The following MAGI2 variants were observed in gnomAD, a reference collection of about 807,000 sequenced individuals.
The protein encoded by MAGI2 is membrane associated guanylate kinase, WW and PDZ domain containing 2.
A neutral mutation model predicts 133.3 loss-of-function variants in MAGI2; 35 were observed. That is an observed-to-expected ratio of 0.26 (90% confidence interval 0.20 to 0.35). The LOEUF (loss-of-function observed/expected upper bound fraction) is 0.35. Ranked by LOEUF, MAGI2 falls within the 10% of genes least tolerant of loss-of-function variation. MAGI2 has a pLI of 1.00. For synonymous variants in MAGI2, 729 were observed against 710.6 expected (o/e 1.03, Z -0.41); for missense variants, 1,636 against 1,863.4 (o/e 0.88, Z 2.25).
At chr7:78,621,378 G>A (rs1329661627) in intron 3 of MAGI2, 1 of 151,824 alleles carries the variant, frequency 6.6e-6, no homozygotes. Flanking sequence ...ATCAATAATG[G>A]ATTATTAATA....
At chr7:78,876,620 C>T (rs1248145208) in intron 2 of MAGI2, among the ~76,000 whole-genome samples, 1 of 152,064 alleles carries the variant, frequency 6.6e-6, no homozygotes, top group Non-Finnish European at 1.5e-5. Flanking sequence ...ATGTTGAAAA[C>T]AGCAAAAGAA....
At chr7:78,951,877 A>G (rs1242112275) in intron 2 of MAGI2, among the ~76,000 whole-genome samples, 1 of 152,100 alleles carries the variant, frequency 6.6e-6, no homozygotes, top group Non-Finnish European at 1.5e-5. Flanking sequence ...CACATCCTCT[A>G]CACTGATTAG....
At chr7:79,105,692 T>C (rs1011242981) in intron 1 of MAGI2, among the ~76,000 whole-genome samples, 1 of 152,144 alleles carries the variant, frequency 6.6e-6, no homozygotes, top group Middle Eastern at 3.2e-3. Context: ...CAGAGCAAAA[T>C]TCATATATAA....
At chr7:78,234,240 A>G (rs139451112) in intron 10 of MAGI2, among the ~76,000 whole-genome samples, 7 of 152,322 alleles carry the variant, frequency 4.6e-5, no homozygotes, top group African/African-American at 1.7e-4. Context: ...TAGTGGAAGT[A>G]TCACTTTGGT....
chr7:78,945,230 T>C (rs1340193652), intron 2 of MAGI2, among the ~76,000 whole-genome samples: 1 of 151,158 alleles, frequency 6.6e-6, no homozygotes, highest in Non-Finnish European at 1.5e-5. Flanking sequence ...CCCAGCTAAT[T>C]TTTGTATTTT....
chr7:78,888,405 A>G (rs754501477), intron 2 of MAGI2, among the ~76,000 whole-genome samples: 43 of 152,198 alleles, frequency 2.8e-4, no homozygotes, highest in Non-Finnish European at 4.6e-4. Flanking sequence ...ACCCAGCTGG[A>G]GATCTGAGAA....
intron 6 of MAGI2, among the ~76,000 whole-genome samples, chr7:78,448,409 C>T (rs1432330603): frequency 6.6e-6 from 1 of 151,982 alleles, no homozygotes; most frequent in African/African-American, 2.4e-5. Flanking sequence ...TAAAAGAGCT[C>T]CTCTTTCTCC....
chr7:78,846,204 GA>G (rs1792589999), intron 2 of MAGI2, among the ~76,000 whole-genome samples: 1 of 151,696 alleles, frequency 6.6e-6, no homozygotes, highest in Non-Finnish European at 1.5e-5. Context: ...AAAAAATGAA[GA>G]AAAAACAAGT....
At chr7:79,327,531 A>G (rs541112513) in intron 1 of MAGI2, among the ~76,000 whole-genome samples, 29 of 152,318 alleles carry the variant, frequency 1.9e-4, no homozygotes, top group African/African-American at 6.7e-4. Context: ...AGTTATATGT[A>G]TCGCAAAATA....
chr7:78,223,337 C>T (rs1194031346), intron 10 of MAGI2, among the ~76,000 whole-genome samples: 2 of 152,024 alleles, frequency 1.3e-5, no homozygotes, highest in African/African-American at 4.8e-5. Context: ...AAAAAAAGTG[C>T]TCTCACATAC....
intron 3 of MAGI2, among the ~76,000 whole-genome samples, chr7:78,544,201 A>T (rs1798631625): frequency 6.6e-6 from 1 of 152,244 alleles, no homozygotes; most frequent in Non-Finnish European, 1.5e-5. Context: ...ACAAGTTATT[A>T]TCAACAGACA....
chr7:78,443,958 A>T (rs1322660656), intron 6 of MAGI2, among the ~76,000 whole-genome samples: 1 of 152,018 alleles, frequency 6.6e-6, no homozygotes, highest in Non-Finnish European at 1.5e-5. Flanking sequence ...GATTTTCTTT[A>T]TGTTCTTATC....
At chr7:79,073,290 A>G (rs1380741649) in intron 1 of MAGI2, among the ~76,000 whole-genome samples, 1 of 152,164 alleles carries the variant, frequency 6.6e-6, no homozygotes, top group Non-Finnish European at 1.5e-5. Context: ...TTACTGCCAG[A>G]AATTTATATG....
intron 3 of MAGI2, among the ~76,000 whole-genome samples, chr7:78,533,308 G>A (rs1436783339): frequency 6.6e-6 from 1 of 152,074 alleles, no homozygotes; most frequent in Non-Finnish European, 1.5e-5. Context: ...ACTGAGAAAC[G>A]AGCACAGTAG....
Position 79,269,588 on chromosome 7 carries a change from C to G in MAGI2, c.301+183432G>C, listed in dbSNP as rs1229398084. On this transcript the variant is annotated intron_variant, in intron 1 of 21. Transcript: ENST00000354212. Reference sequence around the variant, plus strand: ...AGTACAAAACTGATAATATTTAACACCTATACATAAAAATGCCTTTGGTGC... The same window carrying G: ...AGTACAAAACTGATAATATTTAACAGCTATACATAAAAATGCCTTTGGTGC... Among the ~76,000 whole-genome samples the G allele has an allele frequency of 2.0e-5, 3 of 152,116 alleles. No individual in the cohort carries two copies. In the East Asian group the frequency reaches 5.8e-4, roughly 29 times the overall value.
chr7:78,884,637 T>G (rs766505075), intron 2 of MAGI2, among the ~76,000 whole-genome samples: 4 of 151,864 alleles, frequency 2.6e-5, no homozygotes, highest in Non-Finnish European at 5.9e-5. Context: ...CTTACACCAG[T>G]AAGAATGGAT....
intron 2 of MAGI2, among the ~76,000 whole-genome samples, chr7:78,810,347 G>T (rs898498926): frequency 6.6e-6 from 1 of 152,052 alleles, no homozygotes; most frequent in African/African-American, 2.4e-5. Context: ...CTACTCGAAA[G>T]AATCTAGAAT....
In MAGI2 at chr7:78,962,615, G is replaced by GAA. The variant is rs368705362; in HGVS notation, c.418+44473_418+44474dup. Among the ~76,000 whole-genome samples the GAA allele has an allele frequency of 5.2e-4, 74 of 141,618 alleles. No homozygotes were observed. In the South Asian group the frequency reaches 6.4e-3, roughly 12 times the overall value. The allele number at this position is 141,618 out of a possible 152,430, so 92.9% of individuals were successfully genotyped here. On this transcript the variant is annotated intron_variant, in intron 2 of 21. Transcript: ENST00000354212. ...ACTCAACTGAAACTGGAAAATTGTA[G>GAA]AAAAAAAAAAGATTCTATGAATGTA...
intron 1 of MAGI2, among the ~76,000 whole-genome samples, chr7:79,219,681 G>T (rs1830291852): frequency 6.6e-6 from 1 of 151,988 alleles, no homozygotes; most frequent in South Asian, 2.1e-4. Flanking sequence ...GCTGTTTTGT[G>T]CTCATTTTTA....
Sources: gnomAD v4.1 joint callset for allele counts (sites outside exome capture counted in the v4.1 genomes callset) on GRCh38, gnomAD v4.1.1 for gene constraint, MANE v1.5 for transcripts, NCBI Gene and HGNC (gene_info 2026-07-23, HGNC 2026-07-21) for gene names.